MALRD1: variants seen among roughly 807,000 people sequenced by gnomAD.
MALRD1 encodes MAM and LDL receptor class A domain containing 1.
In MALRD1, 247 loss-of-function variants were observed where a neutral mutation model predicts 242.1. The ratio of observed to expected loss-of-function variants is 1.02; its 90% CI spans 0.92 to 1.13. MALRD1 has a LOEUF of 1.13. MALRD1 is among the 50% of genes most tolerant of loss of function. The probability of loss-of-function intolerance (pLI) is 0.00; values close to 1 mark genes in which losing one functional copy is unlikely to be tolerated. For synonymous variants in MALRD1, 995 were observed against 866.6 expected (o/e 1.15, Z -2.60); for missense variants, 2,989 against 2,533.1 (o/e 1.18, Z -3.86).
intron 5 of MALRD1, among the ~76,000 whole-genome samples, chr10:19,116,532 G>T (rs990311580): frequency 6.6e-6 from 1 of 152,162 alleles, no homozygotes; most frequent in Non-Finnish European, 1.5e-5. Flanking sequence ...GTAAAAACTG[G>T]ATGTCAATTA....
chr10:19,595,380 C>T lies in MALRD1; in HGVS notation c.5867C>T (p.Thr1956Ile), dbSNP rs1838036390. 6.4e-7 allele frequency: 1 copy of T among 1,550,494 alleles called. No homozygotes were observed. The highest frequency in any genetic ancestry group is 8.7e-7 in the Non-Finnish European group (1 of 1,146,936). The change falls in exon 34 of 40, where the codon ACA becomes ATA. Residue 1956 changes from threonine to isoleucine, a missense_variant. By Grantham distance (89) the Thr-to-Ile change is moderately conservative. Transcript: ENST00000454679. ...AGTAACATGGAGTTCCCGTGCTCTA[C>T]AGACGAGTGTATACCTTCCCTCCTG... ...LCSNMEFPCS[T>I]DECIPSLLLC...
intron 5 of MALRD1, among the ~76,000 whole-genome samples, chr10:19,108,389 T>G (rs11008504): frequency 4.9e-4 from 3 of 6,160 alleles, no homozygotes; most frequent in East Asian, 4.9e-3. Flanking sequence ...TGTTTTTTCT[T>G]TTTTTTTTTT....
At chr10:19,673,534 A>G (rs1791449885) in intron 36 of MALRD1, among the ~76,000 whole-genome samples, 1 of 152,248 alleles carries the variant, frequency 6.6e-6, no homozygotes, top group African/African-American at 2.4e-5. Context: ...GTTCACATCT[A>G]TAAATGACAC....
intron 28 of MALRD1, among the ~76,000 whole-genome samples, chr10:19,399,759 C>G (rs1846751275): frequency 6.6e-6 from 1 of 152,018 alleles, no homozygotes; most frequent in Non-Finnish European, 1.5e-5. Context: ...CTTTTTTTAA[C>G]AAATAAAGAA....
intron 2 of MALRD1, among the ~76,000 whole-genome samples, chr10:19,068,367 A>G (rs1835043457): frequency 6.6e-6 from 1 of 151,878 alleles, no homozygotes; most frequent in South Asian, 2.1e-4. Flanking sequence ...GGGGCAATTC[A>G]CACCAAAACT....
intron 32 of MALRD1, among the ~76,000 whole-genome samples, chr10:19,557,658 A>C (rs191533207): frequency 6.6e-6 from 1 of 151,976 alleles, no homozygotes; most frequent in Non-Finnish European, 1.5e-5. Flanking sequence ...CAAATACTAC[A>C]TTGTCTTGAT....
intron 36 of MALRD1, among the ~76,000 whole-genome samples, chr10:19,669,936 C>T (rs529001469): frequency 2.5e-4 from 38 of 152,130 alleles, no homozygotes; most frequent in Admixed American, 1.3e-3. Flanking sequence ...AATGGAGGCT[C>T]ACACTAGAAG....
chr10:19,598,796 A>G (rs1279579539), intron 34 of MALRD1, among the ~76,000 whole-genome samples: 1 of 152,168 alleles, frequency 6.6e-6, no homozygotes, highest in Non-Finnish European at 1.5e-5. Flanking sequence ...GCAGAACCTG[A>G]AAGAACAGCT....
rs145596763 is a variant in MALRD1, at chr10:19,316,246, C to T, written c.3420-7703C>T. Among the ~76,000 whole-genome samples, 466 of 151,840 alleles carry T rather than the reference C, an allele frequency of 3.1e-3. 4 individuals are homozygous for T. The highest frequency in any genetic ancestry group is 0.011 in the African/African-American group (451 of 41,454). On this transcript the variant is annotated intron_variant, in intron 21 of 39. Coordinates refer to ENST00000454679, the MANE Select transcript of MALRD1 (RefSeq NM_001142308.3). ...CAATGCCATACAGTTTAGTTAAAGA[C>T]TTCACCTTGAATCAGTAAAGATGTA...
chr10:19,099,763 A>ATTT (rs201815577), intron 4 of MALRD1, among the ~76,000 whole-genome samples: 135 of 149,322 alleles, frequency 9.0e-4, no homozygotes, highest in South Asian at 2.1e-3. Flanking sequence ...ATATATATAT[A>ATTT]TTTTTTTTAA....
In MALRD1 at chr10:19,257,689, G is replaced by A. The variant is rs533304766; in HGVS notation, c.2997G>A (p.Leu999=). Residue 999 remains leucine (L), a synonymous_variant, in exon 19 of 40, where the codon TTG becomes TTA. Coordinates refer to ENST00000454679, the MANE Select transcript of MALRD1 (RefSeq NM_001142308.3). ...TTTTTATTTTATTTTTTTAGATATT[G>A]GTGGAGGCTTCAGTGGGAGATGGCT... The part of the protein sequence containing the change: ...NISSRQPFQI[L]VEASVGDGFT... The A allele has an allele frequency of 6.5e-7, 1 of 1,531,122 alleles. No homozygotes were observed. Among genetic ancestry groups the A allele is most frequent in the Non-Finnish European group, 8.8e-7 (1 of 1,134,540 alleles). 94.8% of individuals were successfully genotyped at this position (1,531,122 alleles called of 1,614,324 possible).
rs201789335 is a variant in MALRD1, at chr10:19,265,405, G to A, written c.3079+7634G>A. Among the ~76,000 whole-genome samples the A allele has an allele frequency of 2.4e-4, 36 of 151,930 alleles. No individual in the cohort carries two copies. In the East Asian group the frequency reaches 3.5e-3, roughly 15 times the overall value. ...CTTAGAACTGCTATTGCTGTATCCC[G>A]TAAGTTTTGGTATGTTGTGTTTCCA... On this transcript the variant is annotated intron_variant, in intron 19 of 39. Transcript: ENST00000454679.
At chr10:19,646,259 A>T (rs964782362) in intron 36 of MALRD1, among the ~76,000 whole-genome samples, 2 of 152,182 alleles carry the variant, frequency 1.3e-5, no homozygotes, top group Non-Finnish European at 2.9e-5. Flanking sequence ...CTGATCTACT[A>T]CATCATTTCC....
chr10:19,657,508 G>A lies in MALRD1; in HGVS notation c.6138-34774G>A, dbSNP rs181217474. Among the ~76,000 whole-genome samples, 452 of 152,022 alleles carry A rather than the reference G, an allele frequency of 3.0e-3. 1 individual carries two copies. The highest frequency in any genetic ancestry group is 0.01 in the African/African-American group (434 of 41,428). On this transcript the variant is annotated intron_variant, in intron 36 of 39. Coordinates refer to ENST00000454679, the MANE Select transcript of MALRD1 (RefSeq NM_001142308.3). The stretch of plus-strand genomic sequence containing the variant: ...CTACATACTGAGAAATGACTACAAA[G>A]ACAGTAAATTACAGAATTGAGATTT...
At chr10:19,670,093 A>ACAAAC (rs1564529476) in intron 36 of MALRD1, among the ~76,000 whole-genome samples, 3 of 115,112 alleles carry the variant, frequency 2.6e-5, no homozygotes, top group African/African-American at 9.3e-5. Context: ...CACACACACA[A>ACAAAC]ACACACACAC....
intron 36 of MALRD1, among the ~76,000 whole-genome samples, chr10:19,670,859 T>G (rs577827243): frequency 6.6e-6 from 1 of 152,002 alleles, no homozygotes; most frequent in African/African-American, 2.4e-5. Flanking sequence ...ATAATATCTT[T>G]ATTTCTCAAC....
intron 29 of MALRD1, among the ~76,000 whole-genome samples, chr10:19,457,207 T>C (rs1177356700): frequency 2.0e-5 from 3 of 152,110 alleles, no homozygotes. Context: ...CAGCCATATG[T>C]AGCCATAACA....
At chr10:19,221,566 G>T (rs1245984288) in intron 18 of MALRD1, among the ~76,000 whole-genome samples, 1 of 152,096 alleles carries the variant, frequency 6.6e-6, no homozygotes, top group African/African-American at 2.4e-5. Context: ...CTGATGCAAA[G>T]CTTAGTTTTC....
chr10:19,258,764 T>A (rs1031655253), intron 19 of MALRD1, among the ~76,000 whole-genome samples: 42 of 152,174 alleles, frequency 2.8e-4, no homozygotes, highest in Admixed American at 2.0e-4. Context: ...TGAATCCCTC[T>A]CTCGAAGGCT....
Sources: gnomAD v4.1 joint callset for allele counts (sites outside exome capture counted in the v4.1 genomes callset) on GRCh38, gnomAD v4.1.1 for gene constraint, MANE v1.5 for transcripts, NCBI Gene and HGNC (gene_info 2026-07-23, HGNC 2026-07-21) for gene names.